The following FAM20B variants were observed in gnomAD, a reference collection of about 807,000 sequenced individuals.
FAM20B encodes FAM20B glycosaminoglycan xylosylkinase, also known as glycosaminoglycan xylosylkinase.
Under a neutral mutation model 43.8 loss-of-function variants are expected in FAM20B, and 23 were observed. The ratio of observed to expected loss-of-function variants is 0.53; its 90% CI spans 0.38 to 0.74. The LOEUF is 0.74. Among genes scored for constraint, FAM20B ranks in the 30% least tolerant of loss-of-function variants. The pLI is 0.00. For synonymous variants in FAM20B, 178 were observed against 192.4 expected (o/e 0.93, Z 0.62); for missense variants, 440 against 510.5 (o/e 0.86, Z 1.33).
At chr1:179,030,310 AAAAC>A (rs1391555279) in intron 1 of FAM20B, among the ~76,000 whole-genome samples, 3 of 152,092 alleles carry the variant, frequency 2.0e-5, no homozygotes, top group Admixed American at 2.0e-4. Context: ...TGTAAAAAAA[AAAAC>A]AAAATAATAT....
intron 3 of FAM20B, among the ~76,000 whole-genome samples, chr1:179,051,122 T>TA (rs71108087): frequency 5.0e-4 from 70 of 140,822 alleles, no homozygotes; most frequent in Admixed American, 5.7e-4. Flanking sequence ...ACTCTGTCTT[T>TA]AAAAAAAAAA....
chr1:179,057,468 G>A (rs1197315764), intron 4 of FAM20B, among the ~76,000 whole-genome samples: 3 of 152,092 alleles, frequency 2.0e-5, no homozygotes, highest in East Asian at 1.9e-4. Context: ...GTGTAGCCCC[G>A]GCAACCTACC....
Position 179,063,026 on chromosome 1 carries a change from C to CGG in FAM20B, c.575-901_575-900insGG, listed in dbSNP as rs780298402. ...GCGCGGTAGCTCACACCTGTAATCCCAGCACTTTGGGAGGCTGAGGTGGGC... is the reference window on the plus strand; with the variant it reads ...GCGCGGTAGCTCACACCTGTAATCCCGGAGCACTTTGGGAGGCTGAGGTGGGC... On this transcript the variant is annotated intron_variant, in intron 4 of 7. Coordinates refer to ENST00000263733, the MANE Select transcript of FAM20B (RefSeq NM_014864.4). Among the ~76,000 whole-genome samples the CGG allele has an allele frequency of 1.8e-3, 268 of 152,290 alleles. 1 individual carries two copies. Among genetic ancestry groups the CGG allele is most frequent in the Non-Finnish European group, 3.0e-3 (203 of 68,014 alleles).
At position 179,074,788 on chromosome 1, in the gene FAM20B, G is replaced by A. The variant is rs901659663; in HGVS notation, c.*2644G>A. 2.6e-5 allele frequency: 4 copies of A among 152,204 alleles called. No homozygotes were observed. Among genetic ancestry groups the A allele is most frequent in the African/African-American group, 9.6e-5 (4 of 41,456 alleles). The allele number at this position is 152,204 out of a possible 1,614,324, so 9.4% of individuals were successfully genotyped here. A position where few individuals can be genotyped will look rare whatever the true frequency, so the allele number is the denominator to read the frequency against. The stretch of plus-strand genomic sequence containing the variant: ...AAATATAAATTTTTGTTGTAAGTCA[G>A]GATTGGAGTAAGCTGGAAAAGTATG... On this transcript the variant is annotated 3_prime_UTR_variant, in exon 8 of 8. Coordinates refer to ENST00000263733, the MANE Select transcript of FAM20B (RefSeq NM_014864.4).
intron 1 of FAM20B, among the ~76,000 whole-genome samples, chr1:179,028,927 C>T (rs549569514): frequency 1.6e-4 from 24 of 152,260 alleles, no homozygotes; most frequent in African/African-American, 5.5e-4. Context: ...AAATGTGTTT[C>T]GGATTACTGT....
rs912701651 is a variant in FAM20B, at chr1:179,075,019, C to T, written c.*2875C>T. On this transcript the variant is annotated 3_prime_UTR_variant, in exon 8 of 8. Coordinates refer to ENST00000263733, the MANE Select transcript of FAM20B (RefSeq NM_014864.4). ...AGCCTGGCTGGCTAGCATGGTGAGA[C>T]CGTCTCTACTAAAAATGCAAAAATT... The T allele has an allele frequency of 2.6e-5, 4 of 152,076 alleles. No individual in the cohort carries two copies. Among genetic ancestry groups the T allele is most frequent in the African/African-American group, 9.7e-5 (4 of 41,408 alleles). 9.4% of individuals were successfully genotyped at this position (152,076 alleles called of 1,614,324 possible).
At chr1:179,031,983 C>T (rs1650033039) in intron 1 of FAM20B, among the ~76,000 whole-genome samples, 1 of 152,108 alleles carries the variant, frequency 6.6e-6, no homozygotes, top group South Asian at 2.1e-4. Flanking sequence ...GTGACAGCCT[C>T]CCAGTCTTCT....
chr1:179,037,479 CTTTTTTTTTTT>C (rs768903406), intron 1 of FAM20B, among the ~76,000 whole-genome samples: 1 of 88,380 alleles, frequency 1.1e-5, no homozygotes, highest in Admixed American at 1.5e-4. Flanking sequence ...GTATGTCGGT[CTTTTTTTTTTT>C]TTTTTTTTTT....
chr1:179,050,432 C>G, intron 3 of FAM20B, 67 bp downstream of exon 3: 1 of 1,116,082 alleles, frequency 9.0e-7, no homozygotes, highest in Non-Finnish European at 1.4e-6. Context: ...GGAGAGGACT[C>G]GTGGACTCCT....
intron 4 of FAM20B, among the ~76,000 whole-genome samples, chr1:179,055,710 T>C (rs1468176132): frequency 6.6e-6 from 1 of 152,172 alleles, no homozygotes; most frequent in Non-Finnish European, 1.5e-5. Context: ...GATGGTCAAC[T>C]CACACATTGT....
At chr1:179,046,034 C>T (rs946447955) in intron 2 of FAM20B, among the ~76,000 whole-genome samples, 16 of 152,132 alleles carry the variant, frequency 1.1e-4, no homozygotes, top group Non-Finnish European at 2.4e-4. Context: ...GAAGGTTTAA[C>T]CTTTTTGGAC....
chr1:179,041,654 C>CGGGAGAT (rs1433337835), intron 1 of FAM20B, among the ~76,000 whole-genome samples: 10 of 115,768 alleles, frequency 8.6e-5, no homozygotes, highest in Non-Finnish European at 1.5e-4. Context: ...AGACGGGAGA[C>CGGGAGAT]GGGAGATGGG....
At chr1:179,064,128 TC>T in intron 5 of FAM20B, 30 bp downstream of exon 5, 1 of 1,579,216 alleles carries the variant, frequency 6.3e-7, no homozygotes, top group Non-Finnish European at 8.7e-7. Context: ...ATTACTTAAT[TC>T]TCCCCTGTGC....
intron 1 of FAM20B, among the ~76,000 whole-genome samples, chr1:179,041,692 C>T (rs1004017237): frequency 3.2e-5 from 2 of 63,406 alleles, no homozygotes; most frequent in Admixed American, 1.3e-4. Flanking sequence ...GAGAGGGAGA[C>T]GGGAGACGGG....
intron 1 of FAM20B, among the ~76,000 whole-genome samples, chr1:179,033,557 G>A (rs140701692): frequency 1.3e-5 from 2 of 152,172 alleles, no homozygotes; most frequent in Non-Finnish European, 2.9e-5. Flanking sequence ...ATTTCCCTAT[G>A]TCTTCTCCCC....
At chr1:179,066,921 G>A (rs939323202) in intron 7 of FAM20B, 62 bp downstream of exon 7, 12 of 1,209,100 alleles carry the variant, frequency 9.9e-6, no homozygotes, top group Middle Eastern at 1.9e-4. Context: ...TCAGGTAACA[G>A]TACATCCATT....
intron 1 of FAM20B, among the ~76,000 whole-genome samples, chr1:179,041,244 C>T (rs1650508930): frequency 6.6e-6 from 1 of 152,150 alleles, no homozygotes; most frequent in African/African-American, 2.4e-5. Context: ...CCTCACTTCC[C>T]AGACGGGGTG....
At chr1:179,059,971 CA>C (rs58295299) in intron 4 of FAM20B, among the ~76,000 whole-genome samples, 22,236 of 121,228 alleles carry the variant, frequency 0.18, 1,760 homozygotes, top group East Asian at 0.34. Context: ...GATTATGTCT[CA>C]AAAAAAAAAA....
intron 2 of FAM20B, among the ~76,000 whole-genome samples, chr1:179,048,740 T>G (rs996731689): frequency 1.3e-5 from 2 of 152,178 alleles, no homozygotes; most frequent in African/African-American, 4.8e-5. Flanking sequence ...AAAATTACAT[T>G]TGGGTATATT....
Sources: allele counts gnomAD v4.1 joint callset (sites outside exome capture counted in the v4.1 genomes callset), GRCh38; gene constraint gnomAD v4.1.1; transcripts MANE v1.5; gene names NCBI Gene and HGNC (gene_info 2026-07-23, HGNC 2026-07-21).